ALX4: variants seen among roughly 807,000 people sequenced by gnomAD.
ALX4 encodes homeobox protein aristaless-like 4.
ALX4 carries 22 observed loss-of-function variants against 40.6 expected under a neutral mutation model. That is an observed-to-expected ratio of 0.54 (90% CI 0.39 to 0.77). ALX4 has a LOEUF of 0.77. ALX4 is among the 30% of genes least tolerant of loss of function. The pLI is 0.00. For synonymous variants in ALX4, 266 were observed against 240.5 expected (o/e 1.11, Z -0.98); for missense variants, 556 against 564.8 (o/e 0.98, Z 0.16).
At chr11:44,291,259 C>T (rs4755244) in intron 1 of ALX4, among the ~76,000 whole-genome samples, 102,878 of 152,008 alleles carry the variant, frequency 0.68, 35,068 homozygotes, top group South Asian at 0.89. Context: ...AGTGGATTCA[C>T]GGCAGCCTCT....
chr11:44,303,485 G>A (rs1167573542), intron 1 of ALX4, among the ~76,000 whole-genome samples: 2 of 152,116 alleles, frequency 1.3e-5, no homozygotes, highest in Admixed American at 6.5e-5. Flanking sequence ...GCCGCGGAGC[G>A]CCACGGTGAC....
intron 2 of ALX4, among the ~76,000 whole-genome samples, chr11:44,268,777 A>G (rs1956228030): frequency 6.6e-6 from 1 of 152,222 alleles, no homozygotes; most frequent in African/African-American, 2.4e-5. Flanking sequence ...AGGCTGATTC[A>G]GAGATGGACC....
chr11:44,294,344 G>A (rs1292098555), intron 1 of ALX4, among the ~76,000 whole-genome samples: 3 of 152,212 alleles, frequency 2.0e-5, no homozygotes, highest in Admixed American at 2.0e-4. Context: ...CCCTGAGCCC[G>A]ATTCTCTGTG....
Position 44,264,938 on chromosome 11 carries a change from G to C in ALX4, c.1152C>G (p.Gly384=), listed in dbSNP as rs549463745. 6.2e-7 allele frequency: 1 copy of C among 1,613,040 alleles called. No individual in the cohort carries two copies. Among genetic ancestry groups the C allele is most frequent in the South Asian group, 1.1e-5 (1 of 91,034 alleles). ...TGCTCGAGGTCTTGCGGTCCGGCTC[G>C]CCGTTGAGCTCGTAGCCATTGAGGC... ...SPGLNGYELN[G]EPDRKTSSIA... is the part of the protein sequence containing the mutation. The change falls in exon 4 of 4, where the codon GGC becomes GGG. Residue 384 remains glycine, a synonymous_variant. Transcript: ENST00000652299.
chr11:44,296,530 A>C (rs1426913350), intron 1 of ALX4, among the ~76,000 whole-genome samples: 1 of 152,228 alleles, frequency 6.6e-6, no homozygotes, highest in African/African-American at 2.4e-5. Context: ...CAATCCATAG[A>C]ATGAGAAGAA....
intron 1 of ALX4, among the ~76,000 whole-genome samples, chr11:44,289,871 G>A (rs979929691): frequency 2.0e-5 from 3 of 152,136 alleles, no homozygotes; most frequent in Non-Finnish European, 4.4e-5. Flanking sequence ...TGGCGTGGGT[G>A]GTTGGATGAG....
chr11:44,290,887 G>A (rs561895154), intron 1 of ALX4, among the ~76,000 whole-genome samples: 3 of 152,232 alleles, frequency 2.0e-5, no homozygotes, highest in South Asian at 2.1e-4. Flanking sequence ...ACCCACACAC[G>A]GCACCCACTC....
Position 44,275,742 on chromosome 11 carries a change from G to A in ALX4, c.467-84C>T, listed in dbSNP as rs563651473. The A allele has an allele frequency of 6.1e-4, 823 of 1,352,050 alleles. 3 individuals are homozygous for A. In the African/African-American group the frequency reaches 0.011, roughly 18 times the overall value. 83.8% of individuals were successfully genotyped at this position (1,352,050 alleles called of 1,614,324 possible). On this transcript the variant is annotated intron_variant, in intron 1 of 3. Coordinates refer to ENST00000652299, the MANE Select transcript of ALX4 (RefSeq NM_021926.4). Reference sequence around the variant, plus strand: ...ATGTCAGGGGGAGAGTGGGGCACTCGGGTAGCCACCCCCTGCCTTTTTCCT... The same window carrying A: ...ATGTCAGGGGGAGAGTGGGGCACTCAGGTAGCCACCCCCTGCCTTTTTCCT...
At chr11:44,307,287 G>C (rs1052030821) in intron 1 of ALX4, among the ~76,000 whole-genome samples, 15 of 152,208 alleles carry the variant, frequency 9.9e-5, no homozygotes, top group Non-Finnish European at 1.2e-4. Context: ...TGAGGAAACC[G>C]GGGTTTGGGA....
chr11:44,297,325 C>T (rs1956408487), intron 1 of ALX4, among the ~76,000 whole-genome samples: 1 of 152,164 alleles, frequency 6.6e-6, no homozygotes. Context: ...AAGCAAAGGC[C>T]ATACTGAACC....
rs1478735796 is a variant in ALX4 at position 44,265,092 on chromosome 11, G to A, written c.998C>T (p.Ser333Phe). The A allele has an allele frequency of 1.9e-6, 3 of 1,612,798 alleles. No individual in the cohort carries two copies. Among genetic ancestry groups the A allele is most frequent in the Non-Finnish European group, 2.5e-6 (3 of 1,179,842 alleles). Residue 333 changes from serine (S) to phenylalanine (F), a missense_variant, in exon 4 of 4, where the codon TCC (serine) becomes TTC (phenylalanine). Ser to Phe is a radical substitution (Grantham distance 155, BLOSUM62 -2). Transcript: ENST00000652299. ...VPCDPVPACMSPHAHPPGSGA... is the reference protein window; with the variant it reads ...VPCDPVPACMFPHAHPPGSGA... ...AGAGCCAGGGGGGTGGGCATGAGGG[G>A]ACATGCAGGCAGGCACCGGGTCGCA...
intron 1 of ALX4, among the ~76,000 whole-genome samples, chr11:44,289,788 C>T (rs1342784925): frequency 6.6e-6 from 1 of 152,178 alleles, no homozygotes; most frequent in African/African-American, 2.4e-5. Flanking sequence ...GCTCTAAGTG[C>T]CCCTGTCAGC....
intron 1 of ALX4, among the ~76,000 whole-genome samples, chr11:44,288,272 G>GAC (rs889180257): frequency 6.6e-6 from 1 of 152,050 alleles, no homozygotes; most frequent in Non-Finnish European, 1.5e-5. Context: ...CACAGAGAGA[G>GAC]ACACAGAGAG....
chr11:44,297,095 A>G (rs1956407273), intron 1 of ALX4, among the ~76,000 whole-genome samples: 1 of 151,090 alleles, frequency 6.6e-6, no homozygotes, highest in South Asian at 2.1e-4. Flanking sequence ...GTGGGGGGTC[A>G]AGGGTGTGAT....
chr11:44,289,387 G>C (rs990751501), intron 1 of ALX4, among the ~76,000 whole-genome samples: 1 of 152,116 alleles, frequency 6.6e-6, no homozygotes, highest in Non-Finnish European at 1.5e-5. Context: ...TATTCGTGTT[G>C]CCCTGACCCA....
Position 44,262,749 on chromosome 11 carries a change from A to G in ALX4, c.*2105T>C, listed in dbSNP as rs1956190148. 6.6e-6 allele frequency: 1 copy of G among 152,104 alleles called. No homozygotes were observed. The allele number at this position is 152,104 out of a possible 1,614,324, so 9.4% of individuals were successfully genotyped here. ...CAAGGTGAAAGTTCCTTCCTTCCCC[A>G]TCCTTCCTCAGCCATGAGCATTTCA... On this transcript the variant is annotated 3_prime_UTR_variant, in exon 4 of 4. Transcript: ENST00000652299.
intron 1 of ALX4, among the ~76,000 whole-genome samples, chr11:44,305,941 G>C (rs1956464757): frequency 6.6e-6 from 1 of 152,262 alleles, no homozygotes; most frequent in Non-Finnish European, 1.5e-5. Flanking sequence ...CTGCAGCTCC[G>C]GCGGTCGGAT....
chr11:44,278,386 G>T (rs1404814678), intron 1 of ALX4, among the ~76,000 whole-genome samples: 2 of 152,218 alleles, frequency 1.3e-5, no homozygotes, highest in African/African-American at 4.8e-5. Context: ...CCCAGGGAGA[G>T]AGGTAGGGGC....
intron 1 of ALX4, among the ~76,000 whole-genome samples, chr11:44,278,609 C>T (rs1407179731): frequency 2.0e-5 from 3 of 152,332 alleles, no homozygotes; most frequent in African/African-American, 7.2e-5. Context: ...TCCAGCTGCC[C>T]ACTGAGACCA....
Sources: allele counts gnomAD v4.1 joint callset (sites outside exome capture counted in the v4.1 genomes callset), GRCh38; gene constraint gnomAD v4.1.1; transcripts MANE v1.5; gene names NCBI Gene and HGNC (gene_info 2026-07-23, HGNC 2026-07-21).